The following SAE1 variants were observed in gnomAD, a reference collection of about 807,000 sequenced individuals.
The protein encoded by SAE1 is SUMO-activating enzyme subunit 1.
In SAE1, 11 loss-of-function variants were observed where a neutral mutation model predicts 40.6. The ratio of observed to expected loss-of-function variants is 0.27; its 90% CI spans 0.17 to 0.45. SAE1 has a LOEUF of 0.45. SAE1 is among the 20% of genes least tolerant of loss of function. The probability of loss-of-function intolerance (pLI) is 1.00; values close to 1 mark genes in which losing one functional copy is unlikely to be tolerated. For missense variants in SAE1, 373 were observed against 427.3 expected, an observed-to-expected ratio of 0.87 and a Z score of 1.12; for synonymous variants, 155 against 154.3, an observed-to-expected ratio of 1.00 and a Z score of -0.03.
At chr19:47,145,815 A>G (rs1486355000) in intron 2 of SAE1, among the ~76,000 whole-genome samples, 4 of 152,150 alleles carry the variant, frequency 2.6e-5, no homozygotes, top group African/African-American at 4.8e-5. Context: ...CACTGCACCC[A>G]TCTTAGAGCG....
rs556162531 is a variant in SAE1, at chr19:47,204,253, A to G, written c.948+513A>G. ...CGCTCTGTCCCCCAGGCTGGAGTGC[A>G]GTAGCACGATCTCAGATCACTGCAA... On this transcript the variant is annotated intron_variant, in intron 8 of 8. Transcript: ENST00000270225. 1.6e-4 allele frequency among the ~76,000 whole-genome samples: 20 copies of G among 124,326 alleles called. No homozygotes were observed. In the South Asian group the frequency reaches 5.3e-3, roughly 33 times the overall value. 81.6% of individuals were successfully genotyped at this position (124,326 alleles called of 152,430 possible).
At chr19:47,166,764 C>T (rs2058395588) in intron 5 of SAE1, among the ~76,000 whole-genome samples, 1 of 152,110 alleles carries the variant, frequency 6.6e-6, no homozygotes, top group African/African-American at 2.4e-5. Flanking sequence ...TGAGAAGGGC[C>T]TGGTGGTCTA....
chr19:47,143,007 A>G (rs1241534227), intron 1 of SAE1, among the ~76,000 whole-genome samples: 2 of 152,214 alleles, frequency 1.3e-5, no homozygotes, highest in African/African-American at 4.8e-5. Flanking sequence ...GTTGGTACTC[A>G]ATAAATATTT....
chr19:47,179,744 T>C (rs1402901424), intron 6 of SAE1, among the ~76,000 whole-genome samples: 1 of 152,090 alleles, frequency 6.6e-6, no homozygotes, highest in Non-Finnish European at 1.5e-5. Flanking sequence ...TTGGTATTAT[T>C]TGTAGAGACG....
At chr19:47,132,985 G>T (rs1002614039) in intron 1 of SAE1, among the ~76,000 whole-genome samples, 1 of 152,132 alleles carries the variant, frequency 6.6e-6, no homozygotes, top group Non-Finnish European at 1.5e-5. Context: ...GCCAGGGAAG[G>T]GCTCTGAAGA....
chr19:47,192,257 CGTT>C (rs920370253), intron 6 of SAE1, among the ~76,000 whole-genome samples: 3 of 151,614 alleles, frequency 2.0e-5, no homozygotes, highest in South Asian at 4.2e-4. Flanking sequence ...TTGTTGTCGT[CGTT>C]GTTGTTTTGA....
Position 47,131,053 on chromosome 19 carries a change from CGCTAGGGTCTGGAGGGG to C in SAE1, c.98+28_98+44del, listed in dbSNP as rs1462617890. ...GGTCAGGGCCGGCGCGGCTTGAGGC[CGCTAGGGTCTGGAGGGG>C]GCGTCTATTCTGAGGCGTTTGCGGC... On this transcript the variant is annotated intron_variant, in intron 1 of 8. Transcript: ENST00000270225. The C allele has an allele frequency of 2.0e-6, 3 of 1,515,650 alleles. No individual in the cohort carries two copies. In the East Asian group the frequency reaches 7.6e-5, roughly 38 times the overall value. The allele number at this position is 1,515,650 out of a possible 1,614,324, so 93.9% of individuals were successfully genotyped here.
In SAE1 at chr19:47,209,566, G is replaced by A. The variant is rs980117060; in HGVS notation, c.*315G>A. ...CCTTTCTCTGTCCTTATGCTGTCCC[G>A]GCCTCGCCAGCCCTCTGGGGCATTG... On this transcript the variant is annotated 3_prime_UTR_variant, in exon 9 of 9. Coordinates refer to ENST00000270225, the MANE Select transcript of SAE1 (RefSeq NM_005500.3). 4.5e-5 allele frequency: 19 copies of A among 420,300 alleles called. No individual in the cohort carries two copies. Among genetic ancestry groups the A allele is most frequent in the African/African-American group, 1.0e-4 (5 of 49,320 alleles). The allele number at this position is 420,300 out of a possible 1,614,324, so 26.0% of individuals were successfully genotyped here.
At chr19:47,164,460 T>C (rs1185878869) in intron 5 of SAE1, among the ~76,000 whole-genome samples, 2 of 151,402 alleles carry the variant, frequency 1.3e-5, no homozygotes, top group Non-Finnish European at 2.9e-5. Context: ...AGCCACCACG[T>C]CTGGCCTGGA....
intron 2 of SAE1, among the ~76,000 whole-genome samples, chr19:47,148,985 ATTTTTT>A (rs113372028): frequency 4.7e-5 from 7 of 148,534 alleles, no homozygotes; most frequent in African/African-American, 1.5e-4. Flanking sequence ...CACAAGTTTG[ATTTTTT>A]TTTTAAGTTT....
chr19:47,150,762 G>A (rs774341154), intron 3 of SAE1, among the ~76,000 whole-genome samples: 7 of 152,140 alleles, frequency 4.6e-5, no homozygotes, highest in Non-Finnish European at 8.8e-5. Context: ...CTGTGGCAGC[G>A]GCATTTTTTT....
chr19:47,192,421 G>T (rs776982062), intron 6 of SAE1, among the ~76,000 whole-genome samples: 1 of 151,826 alleles, frequency 6.6e-6, no homozygotes, highest in Admixed American at 6.6e-5. Context: ...GCTAATTTTT[G>T]TATTTTTAAT....
At chr19:47,154,739 G>A (rs1356440406) in intron 4 of SAE1, among the ~76,000 whole-genome samples, 1 of 151,808 alleles carries the variant, frequency 6.6e-6, no homozygotes, top group African/African-American at 2.4e-5. Flanking sequence ...CAGGTGACAC[G>A]CCCGCCTTGG....
chr19:47,162,481 C>G (rs1437058122), intron 5 of SAE1, among the ~76,000 whole-genome samples: 3 of 152,120 alleles, frequency 2.0e-5, no homozygotes, highest in African/African-American at 7.2e-5. Flanking sequence ...CATTTGGTAA[C>G]TTCAGGCGTT....
At chr19:47,200,265 T>C (rs1019895370) in intron 7 of SAE1, among the ~76,000 whole-genome samples, 5 of 149,856 alleles carry the variant, frequency 3.3e-5, no homozygotes, top group African/African-American at 1.2e-4. Flanking sequence ...ATAGGGTCTC[T>C]CTCTGTTGCC....
intron 6 of SAE1, among the ~76,000 whole-genome samples, chr19:47,175,917 A>G (rs1307564324): frequency 2.0e-5 from 3 of 152,202 alleles, no homozygotes; most frequent in African/African-American, 7.2e-5. Flanking sequence ...TCCCCAAGAA[A>G]CATTTGAATT....
At chr19:47,190,863 C>T (rs1343611316) in intron 6 of SAE1, among the ~76,000 whole-genome samples, 1 of 152,146 alleles carries the variant, frequency 6.6e-6, no homozygotes, top group East Asian at 1.9e-4. Flanking sequence ...GAGGCGAGGC[C>T]CATCTGGAAA....
intron 3 of SAE1, 26 bp downstream of exon 3, chr19:47,150,401 T>C (rs2058281232): frequency 6.4e-7 from 1 of 1,573,552 alleles, no homozygotes; most frequent in South Asian, 1.1e-5. Context: ...TAAAATCTGC[T>C]GTGGGAATTA....
At chr19:47,198,254 T>A (rs2058628973) in intron 7 of SAE1, among the ~76,000 whole-genome samples, 1 of 152,120 alleles carries the variant, frequency 6.6e-6, no homozygotes, top group African/African-American at 2.4e-5. Flanking sequence ...GGATTACAGG[T>A]GCCTGCCACC....
Sources: allele counts gnomAD v4.1 joint callset (sites outside exome capture counted in the v4.1 genomes callset), GRCh38; gene constraint gnomAD v4.1.1; transcripts MANE v1.5; gene names NCBI Gene and HGNC (gene_info 2026-07-23, HGNC 2026-07-21).